Variants in INPP4B observed in about 807,000 individuals in gnomAD.
INPP4B encodes inositol polyphosphate 4-phosphatase type II.
In INPP4B, 55 loss-of-function variants were observed where a neutral mutation model predicts 122.5. That is an observed-to-expected ratio of 0.45 (90% CI 0.36 to 0.56). INPP4B has a LOEUF of 0.56. Among genes scored for constraint, INPP4B ranks in the 20% least tolerant of loss-of-function variants. INPP4B has a pLI of 0.00. For missense variants in INPP4B, 1,000 were observed against 1,097.7 expected (o/e 0.91, Z 1.26); for synonymous variants, 403 against 388.7 (o/e 1.04, Z -0.43).
At chr4:142,033,879 C>G (rs1261693289) in intron 25 of INPP4B, among the ~76,000 whole-genome samples, 1 of 151,880 alleles carries the variant, frequency 6.6e-6, no homozygotes, top group Non-Finnish European at 1.5e-5. Context: ...GTTGCCCAGG[C>G]TTTTCTCGAA....
At chr4:142,784,977 AC>A (rs1775531549) in intron 1 of INPP4B, among the ~76,000 whole-genome samples, 1 of 152,118 alleles carries the variant, frequency 6.6e-6, no homozygotes, top group Admixed American at 6.6e-5. Flanking sequence ...TAAAAGACAG[AC>A]TTAATCATAA....
At chr4:142,330,779 T>A (rs1178283904) in intron 7 of INPP4B, among the ~76,000 whole-genome samples, 1 of 152,218 alleles carries the variant, frequency 6.6e-6, no homozygotes, top group African/African-American at 2.4e-5. Flanking sequence ...TTATAATGTA[T>A]GTTTTGTGCG....
intron 12 of INPP4B, among the ~76,000 whole-genome samples, chr4:142,224,529 T>C (rs1048237872): frequency 2.6e-5 from 4 of 152,170 alleles, no homozygotes; most frequent in Non-Finnish European, 4.4e-5. Flanking sequence ...AATTCTACAT[T>C]ATATGAAAAC....
intron 2 of INPP4B, among the ~76,000 whole-genome samples, chr4:142,695,911 T>C (rs1442007979): frequency 6.6e-6 from 1 of 152,148 alleles, no homozygotes; most frequent in Non-Finnish European, 1.5e-5. Context: ...CTCAAGGCAG[T>C]GTTTCTTATC....
At chr4:142,304,460 T>C (rs1375408288) in intron 9 of INPP4B, among the ~76,000 whole-genome samples, 1 of 152,026 alleles carries the variant, frequency 6.6e-6, no homozygotes, top group African/African-American at 2.4e-5. Context: ...AAGTATTACA[T>C]AGTTTAAATT....
intron 2 of INPP4B, among the ~76,000 whole-genome samples, chr4:142,601,434 C>T (rs1580469870): frequency 1.3e-5 from 2 of 151,816 alleles, no homozygotes; most frequent in Non-Finnish European, 2.9e-5. Context: ...GGCAATTAAA[C>T]AACATGCTCC....
chr4:142,829,009 G>A lies in INPP4B; in HGVS notation c.-254+17200C>T, dbSNP rs117962526. ...ACTTCTGATGAACTTTAGCCAGGGT[G>A]GATCATAGGTAGATCAGAGGGAGGA... On this transcript the variant is annotated intron_variant, in intron 1 of 25. Coordinates refer to ENST00000262992, the MANE Select transcript of INPP4B (RefSeq NM_001101669.3). Among the ~76,000 whole-genome samples the A allele has an allele frequency of 2.3e-4, 34 of 150,894 alleles. No homozygotes were observed. The East Asian group carries it at 6.7e-3, about 30-fold the overall frequency.
At chr4:142,490,534 T>C (rs1323881399) in intron 2 of INPP4B, among the ~76,000 whole-genome samples, 1 of 152,170 alleles carries the variant, frequency 6.6e-6, no homozygotes, top group Non-Finnish European at 1.5e-5. Flanking sequence ...AACCTATCCA[T>C]TACCTCATAA....
chr4:142,235,396 G>A (rs1856251928), intron 12 of INPP4B, among the ~76,000 whole-genome samples: 1 of 151,198 alleles, frequency 6.6e-6, no homozygotes, highest in East Asian at 1.9e-4. Context: ...ATATGTTAAT[G>A]AATTTCAGTG....
chr4:142,163,535 A>G (rs1821168057), intron 16 of INPP4B, among the ~76,000 whole-genome samples: 1 of 151,922 alleles, frequency 6.6e-6, no homozygotes, highest in Non-Finnish European at 1.5e-5. Context: ...GTACAGTACA[A>G]GAAGATATTT....
chr4:142,289,579 A>G (rs1755453719), intron 9 of INPP4B, among the ~76,000 whole-genome samples: 2 of 151,898 alleles, frequency 1.3e-5, no homozygotes. Flanking sequence ...TGTTTCCCCA[A>G]CTGTGTCCCT....
At position 142,145,736 on chromosome 4, in the gene INPP4B, C is replaced by T; in HGVS notation, c.1720+104G>A. 7 of 1,111,890 alleles carry T rather than the reference C, an allele frequency of 6.3e-6. No individual in the cohort carries two copies. In the South Asian group the frequency reaches 1.0e-4, roughly 16 times the overall value. The allele number at this position is 1,111,890 out of a possible 1,614,324, so 68.9% of individuals were successfully genotyped here. A position where few individuals can be genotyped will look rare whatever the true frequency, so the allele number is the denominator to read the frequency against. ...TGGAAAAGCATGCTATCAGCACTCT[C>T]ATCAAAGATACTATTGACTCCTCTT... On this transcript the variant is annotated intron_variant, in intron 18 of 25. Coordinates refer to ENST00000262992, the MANE Select transcript of INPP4B (RefSeq NM_001101669.3).
chr4:142,825,164 G>A (rs57770652), intron 1 of INPP4B, among the ~76,000 whole-genome samples: 12 of 152,042 alleles, frequency 7.9e-5, no homozygotes, highest in Middle Eastern at 3.4e-3. Context: ...TATTTTCTTC[G>A]CTTTGACTTC....
chr4:142,751,756 C>T (rs1769753182), intron 1 of INPP4B, among the ~76,000 whole-genome samples: 1 of 151,946 alleles, frequency 6.6e-6, no homozygotes, highest in African/African-American at 2.4e-5. Context: ...AACAGTGATG[C>T]GATAGACACG....
chr4:142,814,045 A>T (rs17732791), intron 1 of INPP4B, among the ~76,000 whole-genome samples: 44,988 of 152,070 alleles, frequency 0.3, 6,817 homozygotes, highest in South Asian at 0.36. Flanking sequence ...GAGAGTGCTT[A>T]CAGCTGCAGG....
chr4:142,158,801 G>A (rs573171226), intron 17 of INPP4B, among the ~76,000 whole-genome samples: 1 of 151,316 alleles, frequency 6.6e-6, no homozygotes, highest in African/African-American at 2.4e-5. Flanking sequence ...AGGGGGTCAA[G>A]GTGAGGGGGA....
At chr4:142,203,925 C>A (rs953538488) in intron 14 of INPP4B, among the ~76,000 whole-genome samples, 5 of 152,028 alleles carry the variant, frequency 3.3e-5, no homozygotes, top group Non-Finnish European at 7.4e-5. Flanking sequence ...TATTACCTTG[C>A]AATAATAATT....
chr4:142,133,660 C>T (rs1372005669), intron 18 of INPP4B, among the ~76,000 whole-genome samples: 1 of 152,208 alleles, frequency 6.6e-6, no homozygotes, highest in Non-Finnish European at 1.5e-5. Flanking sequence ...CCCTAAGTTA[C>T]CTGTTTAATG....
chr4:142,412,408 A>G (rs1804800783), intron 5 of INPP4B, among the ~76,000 whole-genome samples: 1 of 151,926 alleles, frequency 6.6e-6, no homozygotes, highest in Admixed American at 6.6e-5. Flanking sequence ...TAGGATGTCA[A>G]CCTCTCCAGC....
Sources: allele counts gnomAD v4.1 joint callset (sites outside exome capture counted in the v4.1 genomes callset), GRCh38; gene constraint gnomAD v4.1.1; transcripts MANE v1.5; gene names NCBI Gene and HGNC (gene_info 2026-07-23, HGNC 2026-07-21).